Variants in SH3GL3 observed in about 807,000 individuals in gnomAD.
SH3GL3 encodes endophilin-A3.
SH3GL3 carries 33 observed loss-of-function variants against 47.7 expected under a neutral mutation model. The ratio of observed to expected loss-of-function variants is 0.69; its 90% CI spans 0.52 to 0.92. The LOEUF is 0.92. Among genes scored for constraint, SH3GL3 ranks in the 40% least tolerant of loss-of-function variants. The pLI is 0.00. For synonymous variants in SH3GL3, 155 were observed against 148.8 expected (o/e 1.04, Z -0.30); for missense variants, 363 against 417.8 (o/e 0.87, Z 1.14).
intron 1 of SH3GL3, among the ~76,000 whole-genome samples, chr15:83,498,435 T>C (rs773362008): frequency 5.3e-5 from 8 of 152,176 alleles, no homozygotes; most frequent in Non-Finnish European, 1.0e-4. Context: ...GGCAAAGCTC[T>C]TGGCAAAGGG....
intron 1 of SH3GL3, among the ~76,000 whole-genome samples, chr15:83,513,940 T>G (rs1290512277): frequency 6.6e-6 from 1 of 152,156 alleles, no homozygotes; most frequent in African/African-American, 2.4e-5. Context: ...TCAATTCACT[T>G]TAGGTTAGGA....
intron 1 of SH3GL3, among the ~76,000 whole-genome samples, chr15:83,549,688 C>T (rs1003488416): frequency 1.3e-5 from 2 of 152,200 alleles, no homozygotes; most frequent in East Asian, 1.9e-4. Context: ...TCAAAAGCCT[C>T]AAGAGGAAAT....
chr15:83,598,481 A>G (rs2151825236), intron 8 of SH3GL3, among the ~76,000 whole-genome samples: 1 of 152,286 alleles, frequency 6.6e-6, no homozygotes, highest in African/African-American at 2.4e-5. Flanking sequence ...CAACCTTAAA[A>G]AGTCCTATTT....
At chr15:83,609,186 G>T (rs919261546) in intron 8 of SH3GL3, 4 of 442,438 alleles carry the variant, frequency 9.0e-6, no homozygotes, top group Non-Finnish European at 1.8e-5. Flanking sequence ...TGAATTAGGG[G>T]TGCTGGGAAA....
intron 1 of SH3GL3, among the ~76,000 whole-genome samples, chr15:83,461,069 C>G (rs183525212): frequency 1.8e-3 from 267 of 150,032 alleles, no homozygotes; most frequent in Non-Finnish European, 3.1e-3. Context: ...GGCGACAGAG[C>G]GAGACTCCAT....
intron 8 of SH3GL3, among the ~76,000 whole-genome samples, chr15:83,591,384 A>G (rs753174272): frequency 1.3e-5 from 2 of 151,984 alleles, no homozygotes; most frequent in South Asian, 2.1e-4. Flanking sequence ...TATTTTGCCT[A>G]TGGATGTCCA....
chr15:83,508,886 T>A (rs947010196), intron 1 of SH3GL3, among the ~76,000 whole-genome samples: 6 of 152,190 alleles, frequency 3.9e-5, no homozygotes, highest in Admixed American at 3.3e-4. Context: ...GAGCCACTGC[T>A]GGGCTTACAT....
rs758545027 is a variant in SH3GL3, at chr15:83,618,310, A to G, written c.*23A>G. On this transcript the variant is annotated 3_prime_UTR_variant, in exon 9 of 9. Coordinates refer to ENST00000427482, the MANE Select transcript of SH3GL3 (RefSeq NM_003027.5). Reference sequence around the variant, plus strand: ...TAAATGTGTAACACAAACTCTGGACATACTTTCGTAACTGAAATGAATTCA... The same window carrying G: ...TAAATGTGTAACACAAACTCTGGACGTACTTTCGTAACTGAAATGAATTCA... 2 of 1,447,548 alleles carry G rather than the reference A, an allele frequency of 1.4e-6. No homozygotes were observed. Among genetic ancestry groups the G allele is most frequent in the Admixed American group, 3.3e-5 (2 of 59,832 alleles). 89.7% of individuals were successfully genotyped at this position (1,447,548 alleles called of 1,614,324 possible).
intron 8 of SH3GL3, among the ~76,000 whole-genome samples, chr15:83,613,348 T>C (rs72760399): frequency 0.14 from 20,865 of 152,200 alleles, 1,597 homozygotes; most frequent in South Asian, 0.25. Context: ...GAGTGTGATA[T>C]GAGTGCTGGT....
At chr15:83,570,839 G>T (rs977578572) in intron 4 of SH3GL3, among the ~76,000 whole-genome samples, 2 of 152,212 alleles carry the variant, frequency 1.3e-5, no homozygotes, top group Non-Finnish European at 2.9e-5. Flanking sequence ...GGCCAATGGG[G>T]ACAAGATGGC....
At chr15:83,609,129 C>G (rs969561475) in intron 8 of SH3GL3, 2 of 375,746 alleles carry the variant, frequency 5.3e-6, no homozygotes, top group Non-Finnish European at 1.1e-5. Context: ...AGTGCGGATT[C>G]TCATTGCTAC....
chr15:83,488,850 A>AT (rs1210681145), intron 1 of SH3GL3, among the ~76,000 whole-genome samples: 8 of 152,198 alleles, frequency 5.3e-5, no homozygotes, highest in Non-Finnish European at 7.3e-5. Flanking sequence ...TTTATTTTTC[A>AT]TAACTCTTGC....
the SH3GL3 span, among the ~76,000 whole-genome samples, chr15:83,624,598 G>A: frequency 6.6e-6 from 1 of 152,162 alleles, no homozygotes; most frequent in African/African-American, 2.4e-5. Context: ...CAGTGAAGTG[G>A]GTCTAGTGTT....
At chr15:83,565,263 T>C (rs1286982205) in intron 3 of SH3GL3, 57 bp downstream of exon 3, 2 of 935,652 alleles carry the variant, frequency 2.1e-6, no homozygotes, top group East Asian at 4.8e-5. Context: ...TAACCCATGT[T>C]TACTTGGTGT....
chr15:83,577,565 A>C (rs1479320239), intron 6 of SH3GL3, among the ~76,000 whole-genome samples: 2 of 152,000 alleles, frequency 1.3e-5, no homozygotes, highest in South Asian at 4.2e-4. Flanking sequence ...AACCCTGATA[A>C]TTTTTTGTCA....
chr15:83,614,374 G>A (rs1433689464), intron 8 of SH3GL3, among the ~76,000 whole-genome samples: 1 of 152,194 alleles, frequency 6.6e-6, no homozygotes, highest in Non-Finnish European at 1.5e-5. Context: ...GAAACATCAT[G>A]TAGATCATAG....
chr15:83,568,043 C>T (rs1043448482), intron 3 of SH3GL3, among the ~76,000 whole-genome samples: 1 of 149,194 alleles, frequency 6.7e-6, no homozygotes, highest in Non-Finnish European at 1.5e-5. Flanking sequence ...AGTGCAATGG[C>T]GCGATCTTGG....
intron 1 of SH3GL3, among the ~76,000 whole-genome samples, chr15:83,479,390 C>G (rs2041241678): frequency 6.6e-6 from 1 of 151,990 alleles, no homozygotes; most frequent in Non-Finnish European, 1.5e-5. Context: ...CCCGGGAAAA[C>G]TAGCTGGTGA....
chr15:83,528,837 T>G (rs1019579685), intron 1 of SH3GL3, among the ~76,000 whole-genome samples: 2 of 152,228 alleles, frequency 1.3e-5, no homozygotes, highest in Non-Finnish European at 2.9e-5. Context: ...GCTAGAAAAC[T>G]ATTGTGTTCC....
Sources: allele counts gnomAD v4.1 joint callset (sites outside exome capture counted in the v4.1 genomes callset), GRCh38; gene constraint gnomAD v4.1.1; transcripts MANE v1.5; gene names NCBI Gene and HGNC (gene_info 2026-07-23, HGNC 2026-07-21).